METTL16: variants seen among roughly 807,000 people sequenced by gnomAD.
METTL16 encodes the protein RNA N(6)-adenosine-methyltransferase METTL16.
METTL16 carries 19 observed loss-of-function variants against 57.9 expected under a neutral mutation model. The ratio of observed to expected loss-of-function variants is 0.33; its 90% CI spans 0.23 to 0.48. The LOEUF (loss-of-function observed/expected upper bound fraction) is 0.48, where lower values mean the gene tolerates loss of function less well. METTL16 is among the 20% of genes least tolerant of loss of function. METTL16 has a pLI of 0.99. For missense variants in METTL16, 434 were observed against 691.5 expected (o/e 0.63, Z 4.18); for synonymous variants, 246 against 255.6 (o/e 0.96, Z 0.36).
chr17:2,482,952 G>C (rs1028112453), intron 2 of METTL16, among the ~76,000 whole-genome samples: 1 of 148,698 alleles, frequency 6.7e-6, no homozygotes, highest in Non-Finnish European at 1.5e-5. Context: ...GAAGAATGAA[G>C]ATAAATAATA....
intron 6 of METTL16, among the ~76,000 whole-genome samples, chr17:2,448,801 TTAAAAAAA>T (rs1567889997): frequency 4.2e-5 from 2 of 47,420 alleles, no homozygotes; most frequent in African/African-American, 3.8e-4. Flanking sequence ...AAAATAAAAT[TTAAAAAAA>T]AAAAAAAAAA....
intron 2 of METTL16, among the ~76,000 whole-genome samples, chr17:2,480,291 T>C (rs1260827924): frequency 6.6e-6 from 1 of 152,160 alleles, no homozygotes; most frequent in Non-Finnish European, 1.5e-5. Flanking sequence ...GAATATAGAT[T>C]TGTTATCTAT....
At chr17:2,491,677 C>T (rs992789149) in intron 2 of METTL16, among the ~76,000 whole-genome samples, 5 of 151,512 alleles carry the variant, frequency 3.3e-5, no homozygotes, top group Admixed American at 6.6e-5. Context: ...AGATGGAGAC[C>T]ATCCTGGCTA....
At chr17:2,432,874 A>C (rs2066883275) in intron 8 of METTL16, among the ~76,000 whole-genome samples, 1 of 152,252 alleles carries the variant, frequency 6.6e-6, no homozygotes. Context: ...TGTGGTAGAT[A>C]CTATTATTCT....
Position 2,441,550 on chromosome 17 carries a change from G to A in METTL16, c.738C>T (p.Ser246=), listed in dbSNP as rs1356927632. The change falls in exon 7 of 10, where the codon AGC becomes AGT. Residue 246 remains serine (S), a synonymous_variant. Transcript: ENST00000263092. ...LQLKKRLRWY[S]CMLGKKCSLA... ...GGCTGCATTTCTTTCCCAGCATGCA[G>A]CTATACCATCTAGGAAAAAAAAAAT... 3 of 1,577,802 alleles carry A rather than the reference G, an allele frequency of 1.9e-6. No individual in the cohort carries two copies. Among genetic ancestry groups the A allele is most frequent in the Admixed American group, 1.8e-5 (1 of 54,382 alleles).
intron 2 of METTL16, among the ~76,000 whole-genome samples, chr17:2,488,973 G>A (rs549954602): frequency 3.9e-5 from 6 of 152,228 alleles, no homozygotes; most frequent in African/African-American, 1.4e-4. Flanking sequence ...TAAGCAATTA[G>A]ATAGTAATAT....
At chr17:2,443,279 A>T (rs981072933) in intron 6 of METTL16, among the ~76,000 whole-genome samples, 4 of 152,194 alleles carry the variant, frequency 2.6e-5, no homozygotes, top group African/African-American at 9.7e-5. Flanking sequence ...TGACAGAGAA[A>T]TAGATAACTT....
At position 2,464,173 on chromosome 17, in the gene METTL16, T is replaced by C. The variant is rs201817472; in HGVS notation, c.728+35A>G. ...ATAGCGGGTAAATATTCCTGTGTTG[T>C]AAAGATGGACTCTATGTTGTAAAAA... On this transcript the variant is annotated intron_variant, in intron 6 of 9. Coordinates refer to ENST00000263092, the MANE Select transcript of METTL16 (RefSeq NM_024086.4). The C allele has an allele frequency of 1.4e-4, 216 of 1,594,718 alleles. No individual in the cohort carries two copies. The African/African-American group carries it at 2.2e-3, about 16-fold the overall frequency.
At chr17:2,503,570 C>A (rs1026310743) in intron 1 of METTL16, among the ~76,000 whole-genome samples, 1 of 151,860 alleles carries the variant, frequency 6.6e-6, no homozygotes, top group Non-Finnish European at 1.5e-5. Flanking sequence ...TACAGTATAT[C>A]CATACACTAA....
intron 2 of METTL16, among the ~76,000 whole-genome samples, chr17:2,481,542 T>C (rs1348383868): frequency 2.6e-5 from 4 of 152,154 alleles, no homozygotes; most frequent in South Asian, 2.1e-4. Flanking sequence ...CGTGTCAATA[T>C]ACTAAAAACC....
chr17:2,448,906 A>C (rs1275153108), intron 6 of METTL16, among the ~76,000 whole-genome samples: 1 of 149,308 alleles, frequency 6.7e-6, no homozygotes. Flanking sequence ...GCGCGCCTGT[A>C]GTCCCAGCTA....
At chr17:2,500,754 T>C (rs1054108740) in intron 2 of METTL16, among the ~76,000 whole-genome samples, 5 of 152,162 alleles carry the variant, frequency 3.3e-5, no homozygotes, top group African/African-American at 1.2e-4. Context: ...AAAAGACACA[T>C]CAGTCATTCC....
intron 8 of METTL16, among the ~76,000 whole-genome samples, chr17:2,428,175 AT>A (rs2066833889): frequency 1.3e-5 from 2 of 152,054 alleles, no homozygotes; most frequent in Non-Finnish European, 2.9e-5. Flanking sequence ...ACCTGGTACC[AT>A]CCCTAGTGCC....
Position 2,419,509 on chromosome 17 carries a change from T to A in METTL16, c.*461A>T. The A allele has an allele frequency of 2.4e-6, 1 of 410,424 alleles. No individual in the cohort carries two copies. Among genetic ancestry groups the A allele is most frequent in the Non-Finnish European group, 4.8e-6 (1 of 207,350 alleles). 25.4% of individuals were successfully genotyped at this position (410,424 alleles called of 1,614,324 possible). A position where few individuals can be genotyped will look rare whatever the true frequency, so the allele number is the denominator to read the frequency against. ...TGGGATTGATGCAAGGTAGGCCCCA[T>A]CTTGAAGAGTGACCTAGAACAGGGT... On this transcript the variant is annotated 3_prime_UTR_variant, in exon 10 of 10. Transcript: ENST00000263092.
chr17:2,455,907 C>G (rs1408042486), intron 6 of METTL16, among the ~76,000 whole-genome samples: 1 of 152,030 alleles, frequency 6.6e-6, no homozygotes, highest in Non-Finnish European at 1.5e-5. Context: ...TGCTTGAGCT[C>G]AGAAGGTGAA....
At chr17:2,440,526 C>T (rs984432104) in intron 7 of METTL16, among the ~76,000 whole-genome samples, 8 of 151,600 alleles carry the variant, frequency 5.3e-5, no homozygotes, top group African/African-American at 1.7e-4. Context: ...GGATTACAGG[C>T]GTGAGCCACT....
At chr17:2,465,310 G>A (rs148740490) in intron 5 of METTL16, among the ~76,000 whole-genome samples, 258 of 151,336 alleles carry the variant, frequency 1.7e-3, no homozygotes, top group Admixed American at 3.1e-3. Flanking sequence ...TTAGGAGGCC[G>A]AGGCGGGAGG....
intron 6 of METTL16, among the ~76,000 whole-genome samples, chr17:2,459,696 G>A (rs1372149117): frequency 6.6e-6 from 1 of 152,066 alleles, no homozygotes; most frequent in Non-Finnish European, 1.5e-5. Context: ...ACATTATGAT[G>A]TCAACTATAA....
Position 2,504,648 on chromosome 17 carries a change from C to T in METTL16, c.1-2317G>A, listed in dbSNP as rs187727057. On this transcript the variant is annotated intron_variant, in intron 1 of 9. Transcript: ENST00000263092. ...ATACCTCACTGCAGCCTCAATCTCC[C>T]ATGCTCAAACAGTCCTTCCACCTCA... 9.2e-5 allele frequency among the ~76,000 whole-genome samples: 14 copies of T among 152,278 alleles called. 1 individual carries two copies. The highest frequency in any genetic ancestry group is 1.9e-4 in the African/African-American group (8 of 41,564).
Sources: gnomAD v4.1 joint callset for allele counts (sites outside exome capture counted in the v4.1 genomes callset) on GRCh38, gnomAD v4.1.1 for gene constraint, MANE v1.5 for transcripts, NCBI Gene and HGNC (gene_info 2026-07-23, HGNC 2026-07-21) for gene names.